The following ZAN variants were observed in gnomAD, a reference collection of about 807,000 sequenced individuals.
ZAN encodes zonadhesin, also known as zonadhesin (gene/pseudogene).
ZAN carries 260 observed loss-of-function variants against 286.2 expected under a neutral mutation model. The ratio of observed to expected loss-of-function variants is 0.91; its 90% CI spans 0.82 to 1.01. ZAN has a LOEUF of 1.01. Among genes scored for constraint, ZAN ranks in the 50% least tolerant of loss-of-function variants. ZAN has a pLI of 0.00. For missense variants in ZAN, 3,410 were observed against 3,639.2 expected, an observed-to-expected ratio of 0.94 and a Z score of 1.62; for synonymous variants, 1,368 against 1,417.5, an observed-to-expected ratio of 0.97 and a Z score of 0.79.
In ZAN at chr7:100,791,006, C is replaced by T. The variant is rs77705466; in HGVS notation, c.7422C>T (p.Asn2474=). 3.1e-6 allele frequency: 5 copies of T among 1,612,340 alleles called. No individual in the cohort carries two copies. In the East Asian group the frequency reaches 8.9e-5, roughly 29 times the overall value. ...VSGLCGNYDK[N]RKNDMMLPSG... ...GCCTGTGCGGAAACTACGACAAGAA[C>T]CGCAAGAATGACATGATGCTGCCCA... is the stretch of plus-strand genomic sequence containing the variant. Residue 2474 remains asparagine (N), a synonymous_variant, in exon 40 of 48, where the codon AAC becomes AAT. Coordinates refer to ENST00000613979, the MANE Select transcript of ZAN (RefSeq NM_003386.3).
rs1469992068 is a variant in ZAN at position 100,776,433 on chromosome 7, C to A, written c.6193-7C>A. ...CCCAGCACCGAAAAACCACTCTCCCCCGCCAGGTCTGCGGCATGTGTGGGA... is the reference window on the plus strand; with the variant it reads ...CCCAGCACCGAAAAACCACTCTCCCACGCCAGGTCTGCGGCATGTGTGGGA... On this transcript the variant is annotated splice_region_variant and splice_polypyrimidine_tract_variant and intron_variant, in intron 33 of 47. Transcript: ENST00000613979. The A allele has an allele frequency of 1.9e-6, 3 of 1,603,274 alleles. No individual in the cohort carries two copies. Among genetic ancestry groups the A allele is most frequent in the Admixed American group, 1.7e-5 (1 of 58,510 alleles).
Position 100,769,935 on chromosome 7 carries a change from G to T in ZAN, c.5209G>T (p.Ala1737Ser). 6.4e-7 allele frequency: 1 copy of T among 1,567,472 alleles called. No individual in the cohort carries two copies. Among genetic ancestry groups the T allele is most frequent in the Admixed American group, 1.9e-5 (1 of 52,886 alleles). Residue 1737 changes from alanine to serine, a missense_variant, in exon 28 of 48, where the codon GCC becomes TCC. By Grantham distance (99) the Ala-to-Ser change is moderately conservative (BLOSUM62 1). This residue lies in a region of ZAN where 1,042 missense variants were observed against 1,058.0 expected (regional missense o/e 0.98). Coordinates refer to ENST00000613979, the MANE Select transcript of ZAN (RefSeq NM_003386.3). ...CTGCCAGGAGAACAGCATGGCAGAC[G>T]CCTGGAACAAGAACTGTGCGATCTT... ...SSCQENSMAD[A>S]WNKNCAILIN...
Position 100,736,675 on chromosome 7 carries a change from G to T in ZAN, c.253+46G>T, listed in dbSNP as rs1236506184. ...GGGGACCATGAGCAGGGAGGTGGCT[G>T]GGAGGCGGGAGTGGCTAGATGGAGA... On this transcript the variant is annotated intron_variant, in intron 4 of 47. Transcript: ENST00000613979. 13 of 1,511,618 alleles carry T rather than the reference G, an allele frequency of 8.6e-6. 3 individuals carry two copies. The highest frequency in any genetic ancestry group is 4.5e-5 in the South Asian group (4 of 88,536). 93.6% of individuals were successfully genotyped at this position (1,511,618 alleles called of 1,614,324 possible). A position where few individuals can be genotyped will look rare whatever the true frequency, so the allele number is the denominator to read the frequency against.
intron 45 of ZAN, among the ~76,000 whole-genome samples, chr7:100,796,591 T>C (rs537012789): frequency 6.6e-6 from 1 of 152,116 alleles, no homozygotes; most frequent in African/African-American, 2.4e-5. Context: ...TATTTTTGTA[T>C]TTTTAGTAGG....
At position 100,751,248 on chromosome 7, in the gene ZAN, A is replaced by G. The variant is rs753897362; in HGVS notation, c.1588A>G (p.Asn530Asp). 5 of 1,606,526 alleles carry G rather than the reference A, an allele frequency of 3.1e-6. No homozygotes were observed. The highest frequency in any genetic ancestry group is 4.2e-6 in the Non-Finnish European group (5 of 1,176,846). Residue 530 changes from asparagine (N) to aspartate (D), a missense_variant, in exon 13 of 48, where the codon AAT (asparagine) becomes GAT (aspartate). Transcript: ENST00000613979. ...GGTTGCTATGGGTTTCATCTTGATC[A>G]ATCCTGGGACTTGTCCAGGTAAGAC... is the stretch of plus-strand genomic sequence containing the variant. The part of the protein sequence containing the change: ...SVVAMGFILI[N>D]PGTCPVKVLP...
At position 100,791,156 on chromosome 7, in the gene ZAN, A is replaced by G. The variant is rs368901100; in HGVS notation, c.7529+43A>G. On this transcript the variant is annotated intron_variant, in intron 40 of 47. Transcript: ENST00000613979. Reference sequence around the variant, plus strand: ...GATGAGGCGGGGGAGGTGAACAACAATGTCTGTGCACGGTGGCCGCTAGCC... The same window carrying G: ...GATGAGGCGGGGGAGGTGAACAACAGTGTCTGTGCACGGTGGCCGCTAGCC... The G allele has an allele frequency of 1.8e-4, 281 of 1,584,596 alleles. 3 individuals carry two copies. The highest frequency in any genetic ancestry group is 1.1e-3 in the Middle Eastern group (6 of 5,570).
chr7:100,789,084 C>A (rs1000416159), intron 38 of ZAN, 134 bp from the exon 39 acceptor site: 22 of 1,281,588 alleles, frequency 1.7e-5, no homozygotes, highest in Middle Eastern at 2.8e-4. Context: ...AATAGCAAAG[C>A]CCATTGGGGT....
chr7:100,742,843 G>C (rs1273302905), intron 7 of ZAN, among the ~76,000 whole-genome samples: 1 of 36,036 alleles, frequency 2.8e-5, no homozygotes. Context: ...GAGGGAGACC[G>C]TGGGGAGAGG....
chr7:100,797,257 A>C, intron 45 of ZAN, 109 bp from the exon 46 acceptor site: 4 of 995,900 alleles, frequency 4.0e-6, no homozygotes, highest in East Asian at 2.6e-5. Context: ...AGAGATTTAG[A>C]GAGATGAGGT....
chr7:100,756,884 T>C (rs1809185688), intron 15 of ZAN, among the ~76,000 whole-genome samples: 1 of 152,122 alleles, frequency 6.6e-6, no homozygotes, highest in Non-Finnish European at 1.5e-5. Context: ...TTCTCCTGCC[T>C]CAGACTCCGG....
At chr7:100,797,255 A>T in intron 45 of ZAN, 111 bp from the exon 46 acceptor site, 3 of 978,388 alleles carry the variant, frequency 3.1e-6, no homozygotes, top group South Asian at 1.4e-5. Context: ...CTAGAGATTT[A>T]GAGAGATGAG....
Position 100,755,334 on chromosome 7 carries a change from C to G in ZAN, c.3233C>G (p.Pro1078Arg). The G allele has an allele frequency of 6.2e-7, 1 of 1,613,910 alleles. No individual in the cohort carries two copies. The highest frequency in any genetic ancestry group is 1.1e-5 in the South Asian group (1 of 91,082). The change falls in exon 15 of 48, where the codon CCT becomes CGT. Residue 1078 changes from proline to arginine, a missense_variant. Coordinates refer to ENST00000613979, the MANE Select transcript of ZAN (RefSeq NM_003386.3). ...TGTCGGGAGGGCTGTGTCTGCAACC[C>G]TGGCTTTTTGTTTAGTGACAACCAC... ...PLCREGCVCN[P>R]GFLFSDNHCI...
Position 100,797,459 on chromosome 7 carries a change from G to A in ZAN, c.8360G>A (p.Arg2787Lys), listed in dbSNP as rs754814705. ...VTRECIYRTR[R>K]KREKTQEGDR... ...AGAGAGTGCATTTACAGAACGAGGA[G>A]GAAGAGGTGAGTCCTGGGAAGGAGA... The change falls in exon 46 of 48, where the codon AGG becomes AAG. Residue 2787 changes from arginine to lysine, a missense_variant. Arg to Lys is a conservative substitution (Grantham distance 26, BLOSUM62 2). Transcript: ENST00000613979. 1.9e-6 allele frequency: 3 copies of A among 1,614,022 alleles called. No homozygotes were observed. The highest frequency in any genetic ancestry group is 2.2e-5 in the East Asian group (1 of 44,880).
At chr7:100,792,660 G>A (rs1277628374) in intron 42 of ZAN, 181 bp downstream of exon 42, 8 of 1,374,900 alleles carry the variant, frequency 5.8e-6, no homozygotes, top group Middle Eastern at 2.7e-4. Context: ...ATCATCCCTC[G>A]AATTTCTGCC....
At position 100,760,380 on chromosome 7, in the gene ZAN, C is replaced by T. The variant is rs1478134217; in HGVS notation, c.3697-11C>T. The T allele has an allele frequency of 2.5e-6, 4 of 1,613,346 alleles. No individual in the cohort carries two copies. Among genetic ancestry groups the T allele is most frequent in the Non-Finnish European group, 3.4e-6 (4 of 1,179,524 alleles). ...GCTCTGTCTGTCTCTTGCCTCTGCC[C>T]TGCCTTCCAGGTTGGGGGTCAGCAA... On this transcript the variant is annotated splice_polypyrimidine_tract_variant and intron_variant, in intron 18 of 47. Transcript: ENST00000613979.
chr7:100,792,982 CAAA>C (rs1232116032), intron 42 of ZAN, among the ~76,000 whole-genome samples: 2 of 50,926 alleles, frequency 3.9e-5, no homozygotes, highest in Non-Finnish European at 6.1e-5. Context: ...CATCCTATCT[CAAA>C]AAAAAAAAAA....
At position 100,767,164 on chromosome 7, in the gene ZAN, C is replaced by T. The variant is rs1256455815; in HGVS notation, c.4767C>T (p.Asn1589=). The change falls in exon 25 of 48, where the codon AAC becomes AAT. Residue 1589 remains asparagine, a synonymous_variant. Transcript: ENST00000613979. ...TTGTTGTGAGCGCCACCAACGAGAACCGCGGGGGGATCCTGGAGGTCTCCT... is the reference window on the plus strand; with the variant it reads ...TTGTTGTGAGCGCCACCAACGAGAATCGCGGGGGGATCCTGGAGGTCTCCT... ...SYFVVSATNE[N]RGGILEVSYI... is the part of the protein sequence containing the mutation. 5.0e-6 allele frequency: 8 copies of T among 1,613,780 alleles called. No individual in the cohort carries two copies. The highest frequency in any genetic ancestry group is 1.6e-4 in the Middle Eastern group (1 of 6,084).
intron 10 of ZAN, 44 bp from the exon 11 acceptor site, chr7:100,748,280 G>A: frequency 1.9e-6 from 3 of 1,613,852 alleles, no homozygotes; most frequent in Non-Finnish European, 1.7e-6. Flanking sequence ...GAGGGCTGGA[G>A]AGCGTCACTC....
At position 100,736,883 on chromosome 7, in the gene ZAN, T is replaced by A; in HGVS notation, c.328T>A (p.Trp110Arg). 3 of 1,487,790 alleles carry A rather than the reference T, an allele frequency of 2.0e-6. 1 individual carries two copies. Among genetic ancestry groups the A allele is most frequent in the Non-Finnish European group, 2.8e-6 (3 of 1,089,684 alleles). 92.2% of individuals were successfully genotyped at this position (1,487,790 alleles called of 1,614,324 possible). A position where few individuals can be genotyped will look rare whatever the true frequency, so the allele number is the denominator to read the frequency against. Residue 110 changes from tryptophan (W) to arginine (R), a missense_variant, in exon 5 of 48, where the codon TGG (tryptophan) becomes AGG (arginine). Trp to Arg is a moderately radical substitution (Grantham distance 101). Transcript: ENST00000613979. ...GGCCCGCCTGCTCAGCCCCGACCTA[T>A]GGGAGCAAGGCCCCCTCTGTGTGCA... The part of the protein sequence containing the change: ...GVARLLSPDL[W>R]EQGPLCVHFA...
Sources: allele counts gnomAD v4.1 joint callset (sites outside exome capture counted in the v4.1 genomes callset), GRCh38; gene constraint gnomAD v4.1.1; regional missense constraint gnomAD v4.1.1; transcripts MANE v1.5; gene names NCBI Gene and HGNC (gene_info 2026-07-23, HGNC 2026-07-21).